The following UBR4 variants were observed in gnomAD, a reference collection of about 807,000 sequenced individuals.
UBR4 encodes ubiquitin protein ligase E3 component n-recognin 4.
In UBR4, 124 loss-of-function variants were observed where a neutral mutation model predicts 575.6. That is an observed-to-expected ratio of 0.22 (90% CI 0.19 to 0.25). UBR4 has a LOEUF of 0.25. Among genes scored for constraint, UBR4 ranks in the 10% least tolerant of loss-of-function variants. The probability of loss-of-function intolerance (pLI) is 1.00; values close to 1 mark genes in which losing one functional copy is unlikely to be tolerated. For missense variants in UBR4, 4,818 were observed against 6,478.8 expected, an observed-to-expected ratio of 0.74 and a Z score of 8.80; for synonymous variants, 2,455 against 2,473.7, an observed-to-expected ratio of 0.99 and a Z score of 0.22.
chr1:19,156,179 T>A, intron 42 of UBR4, 92 bp downstream of exon 42: 1 of 1,526,440 alleles, frequency 6.6e-7, no homozygotes, highest in Non-Finnish European at 8.8e-7. Flanking sequence ...CAGCTGATTT[T>A]TTTAACTCCT....
In UBR4 at chr1:19,184,099, T is replaced by C. The variant is rs1279872108; in HGVS notation, c.2015A>G (p.Asn672Ser). Residue 672 changes from asparagine to serine, a missense_variant, in exon 16 of 106, where the codon AAC becomes AGC. Asn to Ser is a conservative substitution (Grantham distance 46). This residue lies in a region of UBR4 where 1,172 missense variants were observed against 1,259.7 expected (regional missense o/e 0.93). Coordinates refer to ENST00000375254, the MANE Select transcript of UBR4 (RefSeq NM_020765.3). ...TTCTGAAAGAGATACACTCAGATAG[T>C]TTCGGATAAAATTGTTCCGAGAGTT... is the stretch of plus-strand genomic sequence containing the variant. ...MLNSRNNFIR[N>S]YLSVSLSEHH... The C allele has an allele frequency of 6.2e-7, 1 of 1,614,168 alleles. No individual in the cohort carries two copies. The highest frequency in any genetic ancestry group is 8.5e-7 in the Non-Finnish European group (1 of 1,180,016).
chr1:19,143,259 G>GAAGGAAGAAAGAAAGA (rs1444831970), intron 55 of UBR4, among the ~76,000 whole-genome samples: 47 of 91,602 alleles, frequency 5.1e-4, no homozygotes, highest in African/African-American at 9.0e-4. Context: ...AGGAAGGAAG[G>GAAGGAAGAAAGAAAGA]AAGAAAGAAA....
chr1:19,125,454 A>G (rs1240717182), intron 64 of UBR4: 1 of 152,198 alleles, frequency 6.6e-6, no homozygotes, highest in Non-Finnish European at 1.5e-5. Context: ...GGCAGGGAGT[A>G]TATGTTAGGG....
At chr1:19,187,048 A>G in intron 13 of UBR4, 116 bp downstream of exon 13, 1 of 795,436 alleles carries the variant, frequency 1.3e-6, no homozygotes. Flanking sequence ...CATGGTGTGT[A>G]GTCAGTCTTA....
At position 19,093,475 on chromosome 1, in the gene UBR4, T is replaced by C; in HGVS notation, c.13949A>G (p.Asp4650Gly). 2 of 1,614,062 alleles carry C rather than the reference T, an allele frequency of 1.2e-6. No homozygotes were observed. The highest frequency in any genetic ancestry group is 1.7e-6 in the Non-Finnish European group (2 of 1,179,970). Residue 4650 changes from aspartate (D) to glycine (G), a missense_variant, in exon 96 of 106, where the codon GAT (aspartate) becomes GGT (glycine). By Grantham distance (94) the Asp-to-Gly change is moderately conservative. Around this residue, in one of 29 missense-constraint regions of UBR4, gnomAD observed 165 missense variants for 282.3 expected, o/e 0.58. Transcript: ENST00000375254. This position sits in a 1 kb window ranked among gnomAD's most constrained non-coding sequence, Gnocchi z 4.8. ...PYCNFDKYDE[D>G]HSGDDKVFLD... The stretch of plus-strand genomic sequence containing the variant: ...GAAGACTTTATCATCACCACTGTGA[T>C]CTTCATCATATCTAGGAGGAAAGAG...
intron 77 of UBR4, chr1:19,113,092 C>T (rs909486871): frequency 1.9e-6 from 1 of 526,692 alleles, no homozygotes; most frequent in African/African-American, 1.9e-5. Flanking sequence ...AGAACTCAGA[C>T]TCAGATGGCA....
In UBR4 at chr1:19,110,955, C is replaced by T; in HGVS notation, c.11802-123G>A. 1.0e-6 allele frequency: 1 copy of T among 970,534 alleles called. No individual in the cohort carries two copies. Among genetic ancestry groups the T allele is most frequent in the Non-Finnish European group, 1.5e-6 (1 of 659,014 alleles). The allele number at this position is 970,534 out of a possible 1,614,324, so 60.1% of individuals were successfully genotyped here. A position where few individuals can be genotyped will look rare whatever the true frequency, so the allele number is the denominator to read the frequency against. ...AGGCTACCTGGCCCCAAATTTTCTACTTCCTTCCCGGGGCAAGACTAGAAC... is the reference window on the plus strand; with the variant it reads ...AGGCTACCTGGCCCCAAATTTTCTATTTCCTTCCCGGGGCAAGACTAGAAC... On this transcript the variant is annotated intron_variant, in intron 78 of 105. Coordinates refer to ENST00000375254, the MANE Select transcript of UBR4 (RefSeq NM_020765.3). The surrounding 1 kb of genome is among the most constrained non-coding windows in gnomAD (Gnocchi z 4.5).
intron 29 of UBR4, among the ~76,000 whole-genome samples, chr1:19,166,336 C>G (rs2088378020): frequency 6.6e-6 from 1 of 152,200 alleles, no homozygotes. Context: ...ATTTCAGCAG[C>G]ACAGTCAACA....
chr1:19,146,670 A>T (rs978891674), intron 52 of UBR4, among the ~76,000 whole-genome samples, 156 bp downstream of exon 52: 7 of 152,220 alleles, frequency 4.6e-5, no homozygotes, highest in Admixed American at 4.6e-4. Flanking sequence ...GTACAATCTC[A>T]ATGTCAAAAG....
intron 55 of UBR4, among the ~76,000 whole-genome samples, chr1:19,143,270 GAAAGAAAGAA>G (rs2084313091): frequency 1.5e-5 from 1 of 65,190 alleles, no homozygotes; most frequent in African/African-American, 5.4e-5. Flanking sequence ...AAGAAAGAAA[GAAAGAAAGAA>G]AGAAAGAAAG....
intron 105 of UBR4, 101 bp downstream of exon 105, chr1:19,076,639 C>T (rs1570056223): frequency 1.7e-5 from 26 of 1,516,422 alleles, no homozygotes; most frequent in East Asian, 2.3e-5. Flanking sequence ...GTTCATACTG[C>T]GTTTCCTCTG....
chr1:19,138,330 A>T, intron 59 of UBR4, 149 bp from the exon 60 acceptor site: 1 of 798,520 alleles, frequency 1.3e-6, no homozygotes, highest in Non-Finnish European at 1.8e-6. Flanking sequence ...AAAGCTAAGT[A>T]AGACCCCACA....
At position 19,117,383 on chromosome 1, in the gene UBR4, G is replaced by GT; in HGVS notation, c.10660dup (p.Thr3554AsnfsTer42). 6.2e-7 allele frequency: 1 copy of GT among 1,614,154 alleles called. No homozygotes were observed. The highest frequency in any genetic ancestry group is 8.5e-7 in the Non-Finnish European group (1 of 1,180,018). ...AACCTGCTGGGTGGTGGTGTACCGC[G>GT]TGTCCACTTTAATGGAAGACAGCTT... is the stretch of plus-strand genomic sequence containing the variant. On this transcript the variant is annotated frameshift_variant, in exon 73 of 106. Transcript: ENST00000375254. LOFTEE classifies it high-confidence loss of function. The surrounding 1 kb of genome is among the most constrained non-coding windows in gnomAD (Gnocchi z 4.0).
At chr1:19,083,578 A>G (rs1251291703) in intron 102 of UBR4, among the ~76,000 whole-genome samples, 1 of 152,228 alleles carries the variant, frequency 6.6e-6, no homozygotes, top group Non-Finnish European at 1.5e-5. Flanking sequence ...TCTGTCACAC[A>G]GGCTGGAGTG....
intron 14 of UBR4, among the ~76,000 whole-genome samples, chr1:19,185,758 G>C (rs2091470422): frequency 6.6e-6 from 1 of 151,912 alleles, no homozygotes. Flanking sequence ...TTTTAGTAGA[G>C]ATGGGGTTTC....
Position 19,204,903 on chromosome 1 carries a change from G to A in UBR4, c.177-3088C>T, listed in dbSNP as rs2092931541. On this transcript the variant is annotated intron_variant, in intron 1 of 105. Transcript: ENST00000375254. ...TTCCAACCTCACCCTCATGCCCTGA[G>A]AAAATGTTAAGACACCAAGACACCA... Among the ~76,000 whole-genome samples the A allele has an allele frequency of 5.3e-5, 8 of 152,046 alleles. No individual in the cohort carries two copies. The South Asian group carries it at 1.4e-3, about 28-fold the overall frequency.
At chr1:19,119,968 T>C (rs2080994227) in intron 69 of UBR4, among the ~76,000 whole-genome samples, 1 of 152,166 alleles carries the variant, frequency 6.6e-6, no homozygotes, top group Non-Finnish European at 1.5e-5. Context: ...ATACATAGCC[T>C]TCTGAGTAGA....
intron 5 of UBR4, 129 bp downstream of exon 5, chr1:19,198,412 A>G: frequency 3.1e-6 from 4 of 1,300,682 alleles, no homozygotes; most frequent in Non-Finnish European, 4.2e-6. Flanking sequence ...GTATTCCTCA[A>G]TTTCTTTTGT....
intron 51 of UBR4, 115 bp from the exon 52 acceptor site, chr1:19,147,115 G>A (rs950407418): frequency 8.4e-7 from 1 of 1,187,514 alleles, no homozygotes; most frequent in Non-Finnish European, 1.2e-6. Flanking sequence ...CAAGAGAACA[G>A]GCCAATGAAC....
Sources: allele counts gnomAD v4.1 joint callset (sites outside exome capture counted in the v4.1 genomes callset), GRCh38; gene constraint gnomAD v4.1.1; regional missense constraint gnomAD v4.1.1; non-coding constraint Gnocchi (gnomAD v3.1); transcripts MANE v1.5; gene names NCBI Gene and HGNC (gene_info 2026-07-23, HGNC 2026-07-21).